Variants in RAG1 observed in about 807,000 individuals in gnomAD.
RAG1 encodes the protein V(D)J recombination-activating protein 1.
In RAG1, 35 loss-of-function variants were observed where a neutral mutation model predicts 62.7. That is an observed-to-expected ratio of 0.56 (90% confidence interval 0.43 to 0.74). RAG1 has a LOEUF of 0.74. Among genes scored for constraint, RAG1 ranks in the 30% least tolerant of loss-of-function variants. The pLI is 0.00. For missense variants in RAG1, 1,169 were observed against 1,278.6 expected, an observed-to-expected ratio of 0.91 and a Z score of 1.31; for synonymous variants, 461 against 470.3, an observed-to-expected ratio of 0.98 and a Z score of 0.26.
chr11:36,528,401 C>T (rs543249264), intron 2 of RAG1, among the ~76,000 whole-genome samples: 9 of 152,080 alleles, frequency 5.9e-5, no homozygotes, highest in East Asian at 1.9e-4. Context: ...CTACTGGGTA[C>T]GTAACGAAAT....
At chr11:36,521,712 G>T (rs1860083118) in intron 2 of RAG1, among the ~76,000 whole-genome samples, 1 of 152,172 alleles carries the variant, frequency 6.6e-6, no homozygotes, top group Non-Finnish European at 1.5e-5. Context: ...GAAAATGTGG[G>T]AAAGTTTGGA....
intron 2 of RAG1, among the ~76,000 whole-genome samples, chr11:36,521,145 G>A (rs1303714573): frequency 2.0e-5 from 3 of 151,988 alleles, no homozygotes; most frequent in Non-Finnish European, 4.4e-5. Flanking sequence ...TTTTGGTAGA[G>A]ACGGGGTTTC....
At chr11:36,512,538 G>A (rs1859940656) in intron 1 of RAG1, among the ~76,000 whole-genome samples, 1 of 152,188 alleles carries the variant, frequency 6.6e-6, no homozygotes. Context: ...GACTCTCATT[G>A]AAATTGGGAC....
chr11:36,535,990 G>T (rs1056708300), exon 3 of RAG1: 1 of 152,082 alleles, frequency 6.6e-6, no homozygotes, highest in Non-Finnish European at 1.5e-5. Context: ...GCTAGACCAG[G>T]TGGATATCTA....
At chr11:36,525,367 A>C (rs1860144161) in intron 2 of RAG1, among the ~76,000 whole-genome samples, 1 of 152,126 alleles carries the variant, frequency 6.6e-6, no homozygotes, top group South Asian at 2.1e-4. Flanking sequence ...AACTTCCCTA[A>C]GCTCTTTTAG....
At chr11:36,565,444 A>C (rs1850648542), upstream of RAG1, among the ~76,000 whole-genome samples, 1 of 152,180 alleles carries the variant, frequency 6.6e-6, no homozygotes, top group Non-Finnish European at 1.5e-5. Context: ...GAGCAGGGCC[A>C]GTGAAGGGCC....
chr11:36,546,160 T>C (rs989001271), intron 3 of RAG1, among the ~76,000 whole-genome samples: 1 of 152,220 alleles, frequency 6.6e-6, no homozygotes, highest in Admixed American at 6.5e-5. Context: ...CTTGTTGATA[T>C]AATATTGACA....
intron 3 of RAG1, among the ~76,000 whole-genome samples, chr11:36,560,119 T>C (rs1850560327): frequency 1.3e-5 from 2 of 152,222 alleles, no homozygotes; most frequent in Admixed American, 1.3e-4. Flanking sequence ...GTGATTTCTT[T>C]GGCTGTAATC....
Position 36,574,331 on chromosome 11 carries a change from C to G in RAG1, c.1027C>G (p.Pro343Ala). 1 of 1,614,192 alleles carries G rather than the reference C, an allele frequency of 6.2e-7. No homozygotes were observed. The highest frequency in any genetic ancestry group is 8.5e-7 in the Non-Finnish European group (1 of 1,180,038). ...YPCFPTDLES[P>A]VKSFLSVLNS... The stretch of plus-strand genomic sequence containing the variant: ...ATGCTTCCCTACTGACCTGGAGAGT[C>G]CAGTGAAGTCCTTTCTGAGCGTCTT... The change falls in exon 2 of 2, where the codon CCA becomes GCA. Residue 343 changes from proline to alanine, a missense_variant. Around this residue, in one of 2 missense-constraint regions of RAG1, gnomAD observed 800 missense variants for 943.3 expected, o/e 0.85. Coordinates refer to ENST00000299440, the MANE Select transcript of RAG1 (RefSeq NM_000448.3).
chr11:36,570,784 A>G (rs1850728186), intron 1 of RAG1, among the ~76,000 whole-genome samples: 1 of 152,120 alleles, frequency 6.6e-6, no homozygotes, highest in Non-Finnish European at 1.5e-5. Flanking sequence ...GGTGTTGAGC[A>G]CCTTTTCATA....
At chr11:36,544,676 A>G (rs1850368377) in intron 3 of RAG1, among the ~76,000 whole-genome samples, 1 of 151,946 alleles carries the variant, frequency 6.6e-6, no homozygotes, top group Non-Finnish European at 1.5e-5. Context: ...TTTCTTTTTA[A>G]TGGTTGATGT....
At chr11:36,572,563 A>T (rs764879767) in intron 1 of RAG1, among the ~76,000 whole-genome samples, 17 of 152,214 alleles carry the variant, frequency 1.1e-4, no homozygotes, top group Admixed American at 6.5e-4. Context: ...ATCTCAGTCT[A>T]TGTACACTCA....
chr11:36,545,934 G>A (rs1460885585), intron 3 of RAG1, among the ~76,000 whole-genome samples: 1 of 152,144 alleles, frequency 6.6e-6, no homozygotes, highest in East Asian at 1.9e-4. Flanking sequence ...GTTCTAATTT[G>A]ATTGCACTGT....
chr11:36,527,104 A>G (rs1860174823), intron 2 of RAG1, among the ~76,000 whole-genome samples: 1 of 152,056 alleles, frequency 6.6e-6, no homozygotes, highest in African/African-American at 2.4e-5. Context: ...CCCATTTGTT[A>G]AGTTTGGCTT....
chr11:36,540,606 C>G (rs1292001299), downstream of RAG1, among the ~76,000 whole-genome samples: 1 of 152,086 alleles, frequency 6.6e-6, no homozygotes, highest in Non-Finnish European at 1.5e-5. Flanking sequence ...CGGGGTTTCA[C>G]CGTGTTAGCC....
chr11:36,573,285 T>G lies in RAG1; in HGVS notation c.-14-6T>G. The G allele has an allele frequency of 6.2e-7, 1 of 1,614,050 alleles. No individual in the cohort carries two copies. Among genetic ancestry groups the G allele is most frequent in the Non-Finnish European group, 8.5e-7 (1 of 1,179,978 alleles). Reference sequence around the variant, plus strand: ...TCTTAATATGACTTGTTTTCATTGTTCTCAGGTACCTCAGCCAGCATGGCA... The same window carrying G: ...TCTTAATATGACTTGTTTTCATTGTGCTCAGGTACCTCAGCCAGCATGGCA... On this transcript the variant is annotated splice_region_variant and splice_polypyrimidine_tract_variant and intron_variant, in intron 1 of 1. Transcript: ENST00000299440.
intron 2 of RAG1, among the ~76,000 whole-genome samples, chr11:36,534,066 A>T (rs1238081506): frequency 6.6e-6 from 1 of 152,076 alleles, no homozygotes; most frequent in Non-Finnish European, 1.5e-5. Context: ...TAAAAAAAAT[A>T]TTGATCCCTG....
rs962480988 is a variant in RAG1 at position 36,576,944 on chromosome 11, T to G, written c.*508T>G. The G allele has an allele frequency of 1.7e-5, 3 of 175,090 alleles. No homozygotes were observed. Among genetic ancestry groups the G allele is most frequent in the African/African-American group, 7.2e-5 (3 of 41,488 alleles). The allele number at this position is 175,090 out of a possible 1,614,324, so 10.8% of individuals were successfully genotyped here. On this transcript the variant is annotated 3_prime_UTR_variant, in exon 2 of 2. Transcript: ENST00000299440. Reference sequence around the variant, plus strand: ...CTTGCTATATAAGATTCAAAAGAGCTTTTTAAATTTTTCTAATAATATCTT... The same window carrying G: ...CTTGCTATATAAGATTCAAAAGAGCGTTTTAAATTTTTCTAATAATATCTT...
At chr11:36,559,455 T>TC (rs1293583962) in intron 3 of RAG1, among the ~76,000 whole-genome samples, 1 of 152,224 alleles carries the variant, frequency 6.6e-6, no homozygotes, top group Non-Finnish European at 1.5e-5. Context: ...TATTAGAGTT[T>TC]CTCTGCCTTT....
Sources: allele counts gnomAD v4.1 joint callset (sites outside exome capture counted in the v4.1 genomes callset), GRCh38; gene constraint gnomAD v4.1.1; regional missense constraint gnomAD v4.1.1; transcripts MANE v1.5; gene names NCBI Gene and HGNC (gene_info 2026-07-23, HGNC 2026-07-21).